The following PIEZO2 variants were observed in gnomAD, a reference collection of about 807,000 sequenced individuals.
The protein encoded by PIEZO2 is piezo type mechanosensitive ion channel component 2, also known as piezo-type mechanosensitive ion channel component 2.
A neutral mutation model predicts 337.3 loss-of-function variants in PIEZO2; 172 were observed. The ratio of observed to expected loss-of-function variants is 0.51; its 90% CI spans 0.45 to 0.58. The LOEUF (loss-of-function observed/expected upper bound fraction) is 0.58, where lower values mean the gene tolerates loss of function less well. PIEZO2 is among the 20% of genes least tolerant of loss of function. The pLI is 0.00. For missense variants in PIEZO2, 3,028 were observed against 3,391.3 expected, an observed-to-expected ratio of 0.89 and a Z score of 2.66; for synonymous variants, 1,251 against 1,228.5, an observed-to-expected ratio of 1.02 and a Z score of -0.38.
At chr18:10,876,493 T>TAA (rs2042272640) in intron 4 of PIEZO2, among the ~76,000 whole-genome samples, 1 of 152,224 alleles carries the variant, frequency 6.6e-6, no homozygotes, top group Non-Finnish European at 1.5e-5. Flanking sequence ...TACATAATTA[T>TAA]ACACCTACCT....
At chr18:10,919,767 G>A (rs1023609101) in intron 3 of PIEZO2, among the ~76,000 whole-genome samples, 1 of 152,042 alleles carries the variant, frequency 6.6e-6, no homozygotes, top group African/African-American at 2.4e-5. Flanking sequence ...CAAGATTTCT[G>A]GTTTAAGATT....
intron 2 of PIEZO2, among the ~76,000 whole-genome samples, chr18:11,056,400 G>C (rs529757896): frequency 1.3e-5 from 2 of 152,318 alleles, no homozygotes; most frequent in East Asian, 3.9e-4. Flanking sequence ...TTCTCACAGA[G>C]AGAAGAGCCT....
Position 10,759,995 on chromosome 18 carries a change from G to A in PIEZO2, c.3451-86C>T, listed in dbSNP as rs1028457494. On this transcript the variant is annotated intron_variant, in intron 24 of 55. Transcript: ENST00000674853. The surrounding 1 kb of genome is among the most constrained non-coding windows in gnomAD (Gnocchi z 5.5). ...GATAGGTGTCAGGTCTGTGTAGATGGCGGAGACCCATGTCCCTCAGGGCAA... is the reference window on the plus strand; with the variant it reads ...GATAGGTGTCAGGTCTGTGTAGATGACGGAGACCCATGTCCCTCAGGGCAA... 8.2e-7 allele frequency: 1 copy of A among 1,221,116 alleles called. No homozygotes were observed. Among genetic ancestry groups the A allele is most frequent in the Non-Finnish European group, 1.1e-6 (1 of 874,036 alleles). 75.6% of individuals were successfully genotyped at this position (1,221,116 alleles called of 1,614,324 possible).
Position 10,861,455 on chromosome 18 carries a change from C to T in PIEZO2, c.493-4244G>A, listed in dbSNP as rs1477592228. 6.6e-6 allele frequency among the ~76,000 whole-genome samples: 1 copy of T among 152,332 alleles called. No individual in the cohort carries two copies. The highest frequency in any genetic ancestry group is 1.5e-5 in the Non-Finnish European group (1 of 68,034). On this transcript the variant is annotated intron_variant, in intron 5 of 55. Coordinates refer to ENST00000674853, the MANE Select transcript of PIEZO2 (RefSeq NM_001378183.1). The surrounding 1 kb of genome is among the most constrained non-coding windows in gnomAD (Gnocchi z 4.3). ...CAGGAAATCTTGTTATTTGCAACAA[C>T]ATGCATAAATCTAAAGAAGAATATG...
intron 2 of PIEZO2, among the ~76,000 whole-genome samples, chr18:11,024,605 G>A (rs1357368226): frequency 6.6e-6 from 1 of 151,304 alleles, no homozygotes; most frequent in African/African-American, 2.4e-5. Flanking sequence ...GAGGGGAAGG[G>A]AAGATAAAAA....
At chr18:11,139,905 C>G (rs1310410339) in intron 1 of PIEZO2, among the ~76,000 whole-genome samples, 2 of 152,142 alleles carry the variant, frequency 1.3e-5, no homozygotes, top group Admixed American at 1.3e-4. Context: ...ATCGAGTTCT[C>G]TTCTAGGGAC....
chr18:10,956,484 C>G (rs1227116320), intron 3 of PIEZO2, among the ~76,000 whole-genome samples: 1 of 152,124 alleles, frequency 6.6e-6, no homozygotes, highest in Admixed American at 6.5e-5. Flanking sequence ...AATGCAATCC[C>G]TCTCAAAATT....
rs1285768370 is a variant in PIEZO2 at position 10,724,621 on chromosome 18, G to A, written c.5030-6362C>T. 1.5e-6 allele frequency: 1 copy of A among 680,238 alleles called. No individual in the cohort carries two copies. The highest frequency in any genetic ancestry group is 2.6e-6 in the Non-Finnish European group (1 of 383,786). 42.1% of individuals were successfully genotyped at this position (680,238 alleles called of 1,614,324 possible). On this transcript the variant is annotated intron_variant, in intron 36 of 55. Coordinates refer to ENST00000674853, the MANE Select transcript of PIEZO2 (RefSeq NM_001378183.1). The surrounding 1 kb of genome is among the most constrained non-coding windows in gnomAD (Gnocchi z 5.8). ...TGGATGTGACCCCCAAGACAGAATG[G>A]TGCTGGACTCGGGGTCTCAGGCGTA...
chr18:10,791,433 A>G, intron 13 of PIEZO2, 109 bp from the exon 14 acceptor site: 1 of 1,219,414 alleles, frequency 8.2e-7, no homozygotes, highest in East Asian at 3.1e-5. Context: ...CAATAAATAA[A>G]CCTTTTTATT....
intron 7 of PIEZO2, among the ~76,000 whole-genome samples, chr18:10,825,578 T>TAA (rs2040649151): frequency 2.5e-5 from 3 of 121,634 alleles, no homozygotes; most frequent in African/African-American, 1.0e-4. Context: ...TGAGACAGAA[T>TAA]CTTGTTTTGT....
intron 1 of PIEZO2, among the ~76,000 whole-genome samples, chr18:11,076,636 T>C (rs911822695): frequency 6.6e-6 from 1 of 152,176 alleles, no homozygotes; most frequent in African/African-American, 2.4e-5. Flanking sequence ...TATGTCAACA[T>C]ATACACTTAT....
intron 21 of PIEZO2, among the ~76,000 whole-genome samples, chr18:10,768,660 C>T (rs1286843660): frequency 2.0e-5 from 3 of 152,114 alleles, no homozygotes; most frequent in African/African-American, 7.2e-5. Context: ...AAAGTCTGCA[C>T]AATGTGTGAA....
In PIEZO2 at chr18:10,672,556, A is replaced by G. The variant is rs557091806; in HGVS notation, c.8345+134T>C. On this transcript the variant is annotated intron_variant, in intron 55 of 55. Coordinates refer to ENST00000674853, the MANE Select transcript of PIEZO2 (RefSeq NM_001378183.1). The surrounding 1 kb of genome is among the most constrained non-coding windows in gnomAD (Gnocchi z 4.7). ...CCTCATTTTTTGAAATAAAATGCACACAAGGATGTGTGCATTTTAATACTG... is the reference window on the plus strand; with the variant it reads ...CCTCATTTTTTGAAATAAAATGCACGCAAGGATGTGTGCATTTTAATACTG... 3 of 976,742 alleles carry G rather than the reference A, an allele frequency of 3.1e-6. No homozygotes were observed. Among genetic ancestry groups the G allele is most frequent in the East Asian group, 2.5e-5 (1 of 39,720 alleles). 60.5% of individuals were successfully genotyped at this position (976,742 alleles called of 1,614,324 possible).
Position 11,080,323 on chromosome 18 carries a change from C to G in PIEZO2, c.65-14101G>C, listed in dbSNP as rs968880092. Among the ~76,000 whole-genome samples the G allele has an allele frequency of 6.6e-6, 1 of 152,112 alleles. No homozygotes were observed. Among genetic ancestry groups the G allele is most frequent in the African/African-American group, 2.4e-5 (1 of 41,422 alleles). On this transcript the variant is annotated intron_variant, in intron 1 of 55. Transcript: ENST00000674853. The surrounding 1 kb of genome is among the most constrained non-coding windows in gnomAD (Gnocchi z 5.4). ...GTTGTCTCTTCCACCTCAGAATACC[C>G]ATAGCATTTTGGTTTTAACACTCTT...
chr18:11,123,637 T>A (rs1027565349), intron 1 of PIEZO2, among the ~76,000 whole-genome samples: 5 of 152,010 alleles, frequency 3.3e-5, no homozygotes, highest in Non-Finnish European at 5.9e-5. Context: ...TGAAACCCCA[T>A]CTCTACTAAA....
At chr18:10,747,148 T>C (rs367588395) in intron 30 of PIEZO2, among the ~76,000 whole-genome samples, 2 of 152,196 alleles carry the variant, frequency 1.3e-5, no homozygotes, top group East Asian at 3.9e-4. Context: ...ACCACTGTCA[T>C]CATTCTTACT....
rs2036792672 is a variant in PIEZO2 at position 11,032,910 on chromosome 18, G to T, written c.160+33217C>A. On this transcript the variant is annotated intron_variant, in intron 2 of 55. Transcript: ENST00000674853. The surrounding 1 kb of genome is among the most constrained non-coding windows in gnomAD (Gnocchi z 4.9). ...TGAGTAGCTCAGAAGACAGAGAGGAGAACATTGCTGAGGCCCTTCTAGCCA... is the reference window on the plus strand; with the variant it reads ...TGAGTAGCTCAGAAGACAGAGAGGATAACATTGCTGAGGCCCTTCTAGCCA... 2.0e-5 allele frequency among the ~76,000 whole-genome samples: 3 copies of T among 152,280 alleles called. No homozygotes were observed. In the South Asian group the frequency reaches 6.2e-4, roughly 32 times the overall value.
intron 2 of PIEZO2, among the ~76,000 whole-genome samples, chr18:11,036,831 C>G (rs879740275): frequency 2.6e-5 from 4 of 152,196 alleles, no homozygotes; most frequent in Admixed American, 2.6e-4. Context: ...AGGTCACACA[C>G]TGACAGTTGT....
chr18:10,804,835 T>C (rs1031863383), intron 8 of PIEZO2, among the ~76,000 whole-genome samples: 5 of 152,340 alleles, frequency 3.3e-5, no homozygotes, highest in Admixed American at 2.6e-4. Context: ...AACTATGATA[T>C]AATCAGCTTC....
Sources: gnomAD v4.1 joint callset for allele counts (sites outside exome capture counted in the v4.1 genomes callset) on GRCh38, gnomAD v4.1.1 for gene constraint, Gnocchi (gnomAD v3.1) non-coding constraint, MANE v1.5 for transcripts, NCBI Gene and HGNC (gene_info 2026-07-23, HGNC 2026-07-21) for gene names.